CWC27: variants seen among roughly 807,000 people sequenced by gnomAD.
CWC27 encodes CWC27 spliceosome associated cyclophilin.
In CWC27, 47 loss-of-function variants were observed where a neutral mutation model predicts 63.6. That is an observed-to-expected ratio of 0.74 (90% CI 0.58 to 0.94). CWC27 has a LOEUF of 0.94. Among genes scored for constraint, CWC27 ranks in the 40% least tolerant of loss-of-function variants. The pLI, the probability that CWC27 is intolerant of heterozygous loss-of-function variation, is 0.00. For missense variants in CWC27, 495 were observed against 554.3 expected, an observed-to-expected ratio of 0.89 and a Z score of 1.07; for synonymous variants, 175 against 179.8, an observed-to-expected ratio of 0.97 and a Z score of 0.22.
At chr5:64,845,228 T>C (rs1745944822) in intron 10 of CWC27, among the ~76,000 whole-genome samples, 1 of 152,128 alleles carries the variant, frequency 6.6e-6, no homozygotes, top group Non-Finnish European at 1.5e-5. Flanking sequence ...CTAAACTAAA[T>C]AGTGAACCTC....
At position 64,840,376 on chromosome 5, in the gene CWC27, AAAAAAAAAAAAAAAAAAAATATATAT is replaced by A. The variant is rs1479471088; in HGVS notation, c.938+35992_938+36017del. ...TCCTTTTTCATTAAAAAAAAAAAAA[AAAAAAAAAAAAAAAAAAAATATATAT>A]ATATATATATATATATATATATATA... On this transcript the variant is annotated intron_variant, in intron 10 of 13. Transcript: ENST00000381070. Among the ~76,000 whole-genome samples, 13 of 63,116 alleles carry A rather than the reference AAAAAAAAAAAAAAAAAAAATATATAT, an allele frequency of 2.1e-4. 1 individual carries two copies. Among genetic ancestry groups the A allele is most frequent in the Admixed American group, 6.4e-4 (4 of 6,266 alleles). 41.4% of individuals were successfully genotyped at this position (63,116 alleles called of 152,430 possible). A position where few individuals can be genotyped will look rare whatever the true frequency, so the allele number is the denominator to read the frequency against.
chr5:64,795,629 A>T (rs1230691724), intron 7 of CWC27, among the ~76,000 whole-genome samples: 1 of 152,084 alleles, frequency 6.6e-6, no homozygotes. Context: ...ATGCTGCATT[A>T]CTCTAAAATT....
intron 13 of CWC27, among the ~76,000 whole-genome samples, chr5:65,004,905 T>TATATAC (rs1554030581): frequency 9.4e-5 from 6 of 63,546 alleles, no homozygotes; most frequent in African/African-American, 1.7e-4. Context: ...TATATATATA[T>TATATAC]ACATACACAC....
Position 64,804,378 on chromosome 5 carries a change from C to A in CWC27, c.930C>A (p.Val310=). 1 of 1,610,752 alleles carries A rather than the reference C, an allele frequency of 6.2e-7. No homozygotes were observed. Among genetic ancestry groups the A allele is most frequent in the South Asian group, 1.1e-5 (1 of 90,684 alleles). ...AAGGAGAAGTGGAGAAGAAATCAGTCAGCCGCAGGTGAGTCAGTTACTGTG... is the reference window on the plus strand; with the variant it reads ...AAGGAGAAGTGGAGAAGAAATCAGTAAGCCGCAGGTGAGTCAGTTACTGTG... ...AGEGEVEKKS[V]SRSEELRKEA... Residue 310 remains valine, a synonymous_variant, in exon 10 of 14, where the codon GTC becomes GTA. Transcript: ENST00000381070.
In CWC27 at chr5:64,786,025, C is replaced by T. The variant is rs145565186; in HGVS notation, c.495+446C>T. ...TAAAAATACAAAAAAAATAGCTGGG[C>T]ATGGTGGCATACGCCTGTAGTCCCA... On this transcript the variant is annotated intron_variant, in intron 5 of 13. Transcript: ENST00000381070. Among the ~76,000 whole-genome samples the T allele has an allele frequency of 6.0e-3, 906 of 151,870 alleles. 6 individuals carry two copies. Among genetic ancestry groups the T allele is most frequent in the African/African-American group, 0.021 (849 of 41,402 alleles).
intron 11 of CWC27, among the ~76,000 whole-genome samples, chr5:64,944,355 C>T (rs1457933633): frequency 6.6e-6 from 1 of 152,136 alleles, no homozygotes; most frequent in Non-Finnish European, 1.5e-5. Flanking sequence ...TCACACACAA[C>T]TGCTTAGCCC....
chr5:64,875,899 A>T (rs181106344), intron 10 of CWC27, among the ~76,000 whole-genome samples: 1 of 152,250 alleles, frequency 6.6e-6, no homozygotes, highest in East Asian at 1.9e-4. Flanking sequence ...GTTTAGTACT[A>T]TCTTGGGCCA....
At chr5:64,978,733 T>C (rs1240589458) in intron 13 of CWC27, among the ~76,000 whole-genome samples, 1 of 152,010 alleles carries the variant, frequency 6.6e-6, no homozygotes, top group African/African-American at 2.4e-5. Flanking sequence ...TTTGAATCCA[T>C]ATGCATTTTT....
intron 7 of CWC27, 51 bp downstream of exon 7, chr5:64,789,071 A>T: frequency 7.8e-7 from 1 of 1,283,424 alleles, no homozygotes; most frequent in Admixed American, 2.0e-5. Flanking sequence ...ATTGGGGTCT[A>T]TATCTTACTC....
intron 10 of CWC27, among the ~76,000 whole-genome samples, chr5:64,835,122 G>A (rs978017493): frequency 6.6e-6 from 1 of 151,438 alleles, no homozygotes; most frequent in Non-Finnish European, 1.5e-5. Context: ...ATTTATTTTT[G>A]TGAATAAAAA....
At chr5:64,939,597 G>T (rs567574108) in intron 11 of CWC27, among the ~76,000 whole-genome samples, 25 of 152,346 alleles carry the variant, frequency 1.6e-4, no homozygotes, top group African/African-American at 6.0e-4. Context: ...ACAGGTGTTA[G>T]GGACCCACTT....
intron 10 of CWC27, among the ~76,000 whole-genome samples, chr5:64,872,162 A>G (rs191596396): frequency 6.6e-6 from 1 of 152,318 alleles, no homozygotes; most frequent in Non-Finnish European, 1.5e-5. Flanking sequence ...GATCTGAAGG[A>G]TGACTTTGAG....
At chr5:64,887,809 T>A (rs1250638313) in intron 11 of CWC27, among the ~76,000 whole-genome samples, 1 of 152,164 alleles carries the variant, frequency 6.6e-6, no homozygotes, top group East Asian at 1.9e-4. Context: ...TTTCTACCAT[T>A]ATAACAGCAA....
At chr5:64,801,174 AAAT>A in intron 8 of CWC27, 125 bp from the exon 9 acceptor site, 1 of 884,108 alleles carries the variant, frequency 1.1e-6, no homozygotes, top group Non-Finnish European at 1.6e-6. Context: ...TGCCTTTCTT[AAAT>A]TCCTATGTTG....
rs114603263 is a variant in CWC27, at chr5:64,921,268, C to A, written c.1042+35722C>A. ...TTTTGATACATCTTGGTATCTATTT[C>A]TTTTTTATTGCTCTGTGATCTGAGA... On this transcript the variant is annotated intron_variant, in intron 11 of 13. Coordinates refer to ENST00000381070, the MANE Select transcript of CWC27 (RefSeq NM_005869.4). 2.5e-3 allele frequency among the ~76,000 whole-genome samples: 379 copies of A among 152,044 alleles called. 1 individual carries two copies. Among genetic ancestry groups the A allele is most frequent in the Middle Eastern group, 6.8e-3 (2 of 294 alleles).
chr5:64,945,781 T>C (rs183909933), intron 11 of CWC27, among the ~76,000 whole-genome samples: 28 of 152,308 alleles, frequency 1.8e-4, no homozygotes, highest in Admixed American at 3.9e-4. Flanking sequence ...TGTAGAATAC[T>C]GTATAATCCT....
At chr5:64,979,555 T>C (rs1749293283) in intron 13 of CWC27, among the ~76,000 whole-genome samples, 1 of 152,224 alleles carries the variant, frequency 6.6e-6, no homozygotes, top group African/African-American at 2.4e-5. Flanking sequence ...TCATAAAGTA[T>C]ATTCTTCTCA....
At chr5:64,855,935 A>C (rs6868935) in intron 10 of CWC27, among the ~76,000 whole-genome samples, 55,271 of 151,838 alleles carry the variant, frequency 0.36, 10,659 homozygotes, top group East Asian at 0.51. Flanking sequence ...ATGGCTGTTC[A>C]TAAGAAATCC....
intron 11 of CWC27, among the ~76,000 whole-genome samples, chr5:64,893,305 A>G (rs2112354023): frequency 6.6e-6 from 1 of 152,336 alleles, no homozygotes; most frequent in South Asian, 2.1e-4. Flanking sequence ...TCAAACATAT[A>G]ATTCATTCGA....
Sources: gnomAD v4.1 joint callset for allele counts (sites outside exome capture counted in the v4.1 genomes callset) on GRCh38, gnomAD v4.1.1 for gene constraint, MANE v1.5 for transcripts, NCBI Gene and HGNC (gene_info 2026-07-23, HGNC 2026-07-21) for gene names.